Variants in FHIT observed in about 807,000 individuals in gnomAD.
FHIT encodes fragile histidine triad diadenosine triphosphatase.
A neutral mutation model predicts 17.9 loss-of-function variants in FHIT; 19 were observed. The ratio of observed to expected loss-of-function variants is 1.06; its 90% CI spans 0.74 to 1.56. The LOEUF (loss-of-function observed/expected upper bound fraction) is 1.56, where lower values mean the gene tolerates loss of function less well. FHIT is among the 40% of genes most tolerant of loss of function. FHIT has a pLI of 0.00. For synonymous variants in FHIT, 81 were observed against 69.7 expected (o/e 1.16, Z -0.81); for missense variants, 248 against 189.2 (o/e 1.31, Z -1.82).
At chr3:59,791,487 G>A (rs773999762) in intron 8 of FHIT, among the ~76,000 whole-genome samples, 8 of 152,128 alleles carry the variant, frequency 5.3e-5, no homozygotes, top group Non-Finnish European at 7.3e-5. Flanking sequence ...ATCCAGCCGC[G>A]CCTGAATCAA....
chr3:60,940,792 T>C (rs1454510999), intron 3 of FHIT, among the ~76,000 whole-genome samples: 1 of 152,232 alleles, frequency 6.6e-6, no homozygotes, highest in East Asian at 1.9e-4. Flanking sequence ...ACAAACTATT[T>C]AGGATGTAAA....
intron 5 of FHIT, among the ~76,000 whole-genome samples, chr3:60,019,785 G>T (rs114148676): frequency 1.1e-3 from 163 of 152,288 alleles, no homozygotes; most frequent in African/African-American, 3.8e-3. Flanking sequence ...GGGAGAGAAA[G>T]GTTACTTAAC....
intron 3 of FHIT, among the ~76,000 whole-genome samples, chr3:61,000,292 C>T (rs958063862): frequency 1.2e-4 from 19 of 152,286 alleles, no homozygotes; most frequent in African/African-American, 3.1e-4. Context: ...AGAGTCCATG[C>T]GACACTTCTG....
At chr3:59,975,021 T>C (rs1708348459) in intron 7 of FHIT, among the ~76,000 whole-genome samples, 1 of 152,134 alleles carries the variant, frequency 6.6e-6, no homozygotes, top group African/African-American at 2.4e-5. Flanking sequence ...CCACTTAACA[T>C]GTGCATATTT....
intron 5 of FHIT, among the ~76,000 whole-genome samples, chr3:60,123,995 TATATATATATATATAG>T (rs1559653518): frequency 1.1e-3 from 41 of 36,666 alleles, no homozygotes; most frequent in African/African-American, 3.7e-3. Context: ...TATATATATA[TATATATATATATATAG>T]AGAGAGAGAG....
chr3:60,046,212 C>T (rs1053131742), intron 5 of FHIT, among the ~76,000 whole-genome samples: 5 of 152,174 alleles, frequency 3.3e-5, no homozygotes, highest in African/African-American at 1.2e-4. Flanking sequence ...CTTTCCATTG[C>T]CTTTTTCGCA....
chr3:60,930,817 A>C (rs1412113613), intron 3 of FHIT, among the ~76,000 whole-genome samples: 1 of 152,184 alleles, frequency 6.6e-6, no homozygotes. Context: ...TGATTCCTCA[A>C]GGATCTAGAA....
chr3:60,979,380 A>T (rs1035489501), intron 3 of FHIT, among the ~76,000 whole-genome samples: 1 of 152,226 alleles, frequency 6.6e-6, no homozygotes, highest in African/African-American at 2.4e-5. Flanking sequence ...GCCTTCTCCA[A>T]CCTTCCCACA....
intron 5 of FHIT, among the ~76,000 whole-genome samples, chr3:60,419,685 T>G (rs1702398553): frequency 6.6e-6 from 1 of 152,184 alleles, no homozygotes; most frequent in Admixed American, 6.5e-5. Context: ...TTTCTCTAAT[T>G]TCTTACTTTT....
chr3:60,411,449 G>A (rs1421019389), intron 5 of FHIT, among the ~76,000 whole-genome samples: 1 of 152,090 alleles, frequency 6.6e-6, no homozygotes, highest in East Asian at 1.9e-4. Context: ...AGACTCCCAG[G>A]GAAAAAGCCA....
intron 4 of FHIT, among the ~76,000 whole-genome samples, chr3:60,672,524 T>A (rs1307199176): frequency 6.6e-6 from 1 of 152,194 alleles, no homozygotes; most frequent in Non-Finnish European, 1.5e-5. Flanking sequence ...TGTGATGGAA[T>A]GTCATCAGTT....
chr3:60,767,043 A>G (rs1466512839), intron 4 of FHIT, among the ~76,000 whole-genome samples: 4 of 152,232 alleles, frequency 2.6e-5, no homozygotes, highest in African/African-American at 9.6e-5. Flanking sequence ...AGCATTTCCC[A>G]CATTTAACTC....
intron 5 of FHIT, among the ~76,000 whole-genome samples, chr3:60,466,141 G>C (rs906302034): frequency 2.6e-5 from 4 of 151,838 alleles, no homozygotes; most frequent in African/African-American, 9.7e-5. Flanking sequence ...TTGATTTGTA[G>C]TTATTGTAAA....
intron 3 of FHIT, among the ~76,000 whole-genome samples, chr3:61,016,909 C>G (rs1277175239): frequency 6.6e-6 from 1 of 152,186 alleles, no homozygotes; most frequent in African/African-American, 2.4e-5. Flanking sequence ...CAGGTTTCTC[C>G]ACAAAAGATG....
intron 5 of FHIT, among the ~76,000 whole-genome samples, chr3:60,040,182 T>TG: frequency 6.6e-6 from 1 of 152,106 alleles, no homozygotes; most frequent in East Asian, 1.9e-4. Flanking sequence ...AGTCTTGCTC[T>TG]GTCTCCAGGC....
chr3:60,351,743 G>C (rs1231719813), intron 5 of FHIT, among the ~76,000 whole-genome samples: 1 of 152,158 alleles, frequency 6.6e-6, no homozygotes, highest in East Asian at 1.9e-4. Context: ...TAATAGTCTA[G>C]TACTCAGCTC....
chr3:61,032,708 C>T (rs894644758), intron 3 of FHIT, among the ~76,000 whole-genome samples: 1 of 152,194 alleles, frequency 6.6e-6, no homozygotes, highest in Non-Finnish European at 1.5e-5. Context: ...ACAGAGCCTA[C>T]AAGCCAAAGA....
At chr3:59,990,976 T>C (rs1259114618) in intron 7 of FHIT, among the ~76,000 whole-genome samples, 1 of 152,060 alleles carries the variant, frequency 6.6e-6, no homozygotes, top group African/African-American at 2.4e-5. Flanking sequence ...TCAATTACAT[T>C]TTCCAGTTGT....
chr3:60,072,764 T>C (rs899634165), intron 5 of FHIT, among the ~76,000 whole-genome samples: 2 of 152,220 alleles, frequency 1.3e-5, no homozygotes, highest in Non-Finnish European at 2.9e-5. Flanking sequence ...TACTATTCTC[T>C]ATTGACAGTA....
Sources: allele counts gnomAD v4.1 joint callset (sites outside exome capture counted in the v4.1 genomes callset), GRCh38; gene constraint gnomAD v4.1.1; transcripts MANE v1.5; gene names NCBI Gene and HGNC (gene_info 2026-07-23, HGNC 2026-07-21).